Variants in OR2H1 observed in about 807,000 individuals in gnomAD.
OR2H1 encodes the protein olfactory receptor family 2 subfamily H member 1.
For missense variants in OR2H1, 380 were observed against 367.3 expected (o/e 1.03, Z -0.28); for synonymous variants, 155 against 155.2 (o/e 1.00, Z 0.01).
At chr6:29,459,377 AT>A (rs1786936110) in intron 2 of OR2H1, among the ~76,000 whole-genome samples, 2 of 152,190 alleles carry the variant, frequency 1.3e-5, no homozygotes, top group Admixed American at 6.5e-5. Flanking sequence ...CAGGTACACC[AT>A]GTGTTTATTA....
chr6:29,458,427 C>T (rs1786749592), intron 1 of OR2H1, 27 bp from the exon 2 acceptor site: 1 of 152,226 alleles, frequency 6.6e-6, no homozygotes, highest in Admixed American at 6.5e-5. Context: ...TTCCAATAAT[C>T]ATCAAGAGTA....
At position 29,462,712 on chromosome 6, in the gene OR2H1, G is replaced by A. The variant is rs199877770; in HGVS notation, c.943G>A (p.Ala315Thr). Reference sequence around the variant, plus strand: ...AAGAGACTCCAGGGAAAGCTGGAGAGCTGCTTAATATACTTTCGAAAGTAA... The same window carrying A: ...AAGAGACTCCAGGGAAAGCTGGAGAACTGCTTAATATACTTTCGAAAGTAA... ...KERDSRESWRAA is the reference protein window; with the variant it reads ...KERDSRESWRTA The change falls in exon 4 of 4, where the codon GCT becomes ACT. Residue 315 changes from alanine to threonine, a missense_variant. Coordinates refer to ENST00000377133, the MANE Select transcript of OR2H1 (RefSeq NM_030883.5). The A allele has an allele frequency of 1.2e-4, 189 of 1,607,344 alleles. 1 individual carries two copies. Among genetic ancestry groups the A allele is most frequent in the Middle Eastern group, 8.2e-4 (5 of 6,066 alleles).
rs184118118 is a variant in OR2H1, at chr6:29,462,921, A to T, written c.*201A>T. 867 of 582,090 alleles carry T rather than the reference A, an allele frequency of 1.5e-3. 21 individuals carry two copies. Among genetic ancestry groups the T allele is most frequent in the South Asian group, 0.012 (472 of 39,096 alleles). The allele number at this position is 582,090 out of a possible 1,614,324, so 36.1% of individuals were successfully genotyped here. Reference sequence around the variant, plus strand: ...GAGGAGATAGGTAGCTCCATAAGGCACACAAATTCAAATATTATCATTCCT... The same window carrying T: ...GAGGAGATAGGTAGCTCCATAAGGCTCACAAATTCAAATATTATCATTCCT... On this transcript the variant is annotated 3_prime_UTR_variant, in exon 4 of 4. Transcript: ENST00000377133.
At chr6:29,461,191 ATC>A (rs1295952501) in intron 3 of OR2H1, 1 of 152,364 alleles carries the variant, frequency 6.6e-6, no homozygotes, top group Non-Finnish European at 1.5e-5. Context: ...CAGCGGAGAA[ATC>A]TCTTTGTTAA....
intron 3 of OR2H1, among the ~76,000 whole-genome samples, chr6:29,461,253 A>G (rs1189439664): frequency 6.6e-6 from 1 of 152,334 alleles, no homozygotes; most frequent in South Asian, 2.1e-4. Flanking sequence ...GATAAAGTAG[A>G]TAAAACATGA....
At chr6:29,457,960 G>A (rs917754460) in intron 1 of OR2H1, among the ~76,000 whole-genome samples, 2 of 152,140 alleles carry the variant, frequency 1.3e-5, no homozygotes, top group Non-Finnish European at 2.9e-5. Flanking sequence ...AGGTTATGGG[G>A]CACCTAGTCT....
intron 3 of OR2H1, chr6:29,460,796 G>A (rs1787164224): frequency 6.6e-6 from 1 of 151,676 alleles, no homozygotes; most frequent in Non-Finnish European, 1.5e-5. Flanking sequence ...TAAAAATAAT[G>A]TTTTAAATCT....
rs185131447 is a variant in OR2H1, at chr6:29,458,835, A to G, written c.-327+266A>G. Among the ~76,000 whole-genome samples, 192 of 152,352 alleles carry G rather than the reference A, an allele frequency of 1.3e-3. 1 individual carries two copies. Among genetic ancestry groups the G allele is most frequent in the Non-Finnish European group, 2.1e-3 (141 of 68,032 alleles). On this transcript the variant is annotated intron_variant, in intron 2 of 3. Coordinates refer to ENST00000377133, the MANE Select transcript of OR2H1 (RefSeq NM_030883.5). ...TCAACAGATAGTAACTGTCAAAACT[A>G]TAAGTGGTTATTATTATTGAACTGT... is the stretch of plus-strand genomic sequence containing the variant.
chr6:29,457,276 A>G (rs1399230625), intron 1 of OR2H1, 69 bp downstream of exon 1: 2 of 152,214 alleles, frequency 1.3e-5, no homozygotes, highest in African/African-American at 4.8e-5. Context: ...TAAAACAACC[A>G]CAAACCTGAA....
At position 29,461,880 on chromosome 6, in the gene OR2H1, G is replaced by T; in HGVS notation, c.111G>T (p.Leu37=). The part of the protein sequence containing the change: ...VVVFTSYLLT[L]VGNTLIILLS... ...TCTTCACTTCCTACCTCTTGACCCT[G>T]GTGGGCAACACACTCATCATCCTGC... Residue 37 remains leucine, a synonymous_variant, in exon 4 of 4, where the codon CTG becomes CTT. Coordinates refer to ENST00000377133, the MANE Select transcript of OR2H1 (RefSeq NM_030883.5). The T allele has an allele frequency of 6.2e-7, 1 of 1,613,004 alleles. No individual in the cohort carries two copies.
rs753960310 is a variant in OR2H1 at position 29,461,846 on chromosome 6, T to C, written c.77T>C (p.Phe26Ser). 1.2e-6 allele frequency: 2 copies of C among 1,612,972 alleles called. No homozygotes were observed. The highest frequency in any genetic ancestry group is 1.3e-5 in the African/African-American group (1 of 74,924). ...CACCCAGCACTGGAAAGGACTCTCT[T>C]TGTGGTTGTCTTCACTTCCTACCTC... ...SEHPALERTL[F>S]VVVFTSYLLT... Residue 26 changes from phenylalanine (F) to serine (S), a missense_variant, in exon 4 of 4, where the codon TTT becomes TCT. Transcript: ENST00000377133.
At position 29,462,436 on chromosome 6, in the gene OR2H1, G is replaced by A. The variant is rs17184086; in HGVS notation, c.667G>A (p.Val223Met). 0.017 allele frequency: 27,190 copies of A among 1,613,146 alleles called. 295 individuals are homozygous for A. Among genetic ancestry groups the A allele is most frequent in the Non-Finnish European group, 0.021 (24,524 of 1,180,036 alleles). Residue 223 changes from valine (V) to methionine (M), a missense_variant, in exon 4 of 4, where the codon GTG becomes ATG. Physicochemically the swap from Val to Met is conservative, Grantham distance 21. Coordinates refer to ENST00000377133, the MANE Select transcript of OR2H1 (RefSeq NM_030883.5). ...CTCTTATGGAGCCACTGCCCAGGCA[G>A]TGCTGAGGATTAACTCTGCCACAGC... ...LASYGATAQA[V>M]LRINSATAWR...
At chr6:29,457,371 T>C (rs1219179927) in intron 1 of OR2H1, among the ~76,000 whole-genome samples, 164 bp downstream of exon 1, 1 of 152,220 alleles carries the variant, frequency 6.6e-6, no homozygotes, top group East Asian at 1.9e-4. Flanking sequence ...AAAAAAGAAT[T>C]GGACTATTGA....
chr6:29,462,087 G>A lies in OR2H1; in HGVS notation c.318G>A (p.Gly106=), dbSNP rs765896352. The A allele has an allele frequency of 6.2e-7, 1 of 1,613,630 alleles. No individual in the cohort carries two copies. Among genetic ancestry groups the A allele is most frequent in the East Asian group, 2.2e-5 (1 of 44,878 alleles). Reference sequence around the variant, plus strand: ...AGCTCTTCATCTTCCTGTCCCTGGGGACCACTGAGTGCATCCTCCTGACAG... The same window carrying A: ...AGCTCTTCATCTTCCTGTCCCTGGGAACCACTGAGTGCATCCTCCTGACAG... ...SVQLFIFLSL[G]TTECILLTVM... Residue 106 remains glycine (G), a synonymous_variant, in exon 4 of 4, where the codon GGG becomes GGA. Transcript: ENST00000377133.
In OR2H1 at chr6:29,461,796, C is replaced by T; in HGVS notation, c.27C>T (p.Gly9=). 1 of 1,612,920 alleles carries T rather than the reference C, an allele frequency of 6.2e-7. No homozygotes were observed. Among genetic ancestry groups the T allele is most frequent in the African/African-American group, 1.3e-5 (1 of 75,042 alleles). The change falls in exon 4 of 4, where the codon GGC becomes GGT. Residue 9 remains glycine, a synonymous_variant. Transcript: ENST00000377133. ...TGGTTAACCAAAGCTCCCCCATGGG[C>T]TTCCTCCTTCTGGGCTTCTCTGAAC... MVNQSSPM[G]FLLLGFSEHP...
rs1185818152 is a variant in OR2H1, at chr6:29,464,178, C to T, written c.*1458C>T. The T allele has an allele frequency of 6.0e-6, 1 of 167,022 alleles. No homozygotes were observed. The highest frequency in any genetic ancestry group is 2.4e-5 in the African/African-American group (1 of 41,430). The allele number at this position is 167,022 out of a possible 1,614,324, so 10.3% of individuals were successfully genotyped here. A position where few individuals can be genotyped will look rare whatever the true frequency, so the allele number is the denominator to read the frequency against. ...AACTTAGCAAATCTATAATCACATGCAAATACACAGAATGGATTGTTACAA... is the reference window on the plus strand; with the variant it reads ...AACTTAGCAAATCTATAATCACATGTAAATACACAGAATGGATTGTTACAA... On this transcript the variant is annotated 3_prime_UTR_variant, in exon 4 of 4. Transcript: ENST00000377133.
chr6:29,461,484 C>T lies in OR2H1; in HGVS notation c.-275-11C>T. 1 of 430,960 alleles carries T rather than the reference C, an allele frequency of 2.3e-6. No homozygotes were observed. Among genetic ancestry groups the T allele is most frequent in the Non-Finnish European group, 4.1e-6 (1 of 244,628 alleles). 26.7% of individuals were successfully genotyped at this position (430,960 alleles called of 1,614,324 possible). A position where few individuals can be genotyped will look rare whatever the true frequency, so the allele number is the denominator to read the frequency against. On this transcript the variant is annotated splice_polypyrimidine_tract_variant and intron_variant, in intron 3 of 3. Transcript: ENST00000377133. Reference sequence around the variant, plus strand: ...CCATGTTTTACATCAGCTTTCTTTGCCCTCAACCAGGAAGTCAGAGGCACC... The same window carrying T: ...CCATGTTTTACATCAGCTTTCTTTGTCCTCAACCAGGAAGTCAGAGGCACC...
rs1169368835 is a variant in OR2H1 at position 29,458,557 on chromosome 6, G to C, written c.-339G>C. The C allele has an allele frequency of 6.6e-6, 1 of 152,210 alleles. No individual in the cohort carries two copies. Among genetic ancestry groups the C allele is most frequent in the African/African-American group, 2.4e-5 (1 of 41,442 alleles). The allele number at this position is 152,210 out of a possible 1,614,324, so 9.4% of individuals were successfully genotyped here. A position where few individuals can be genotyped will look rare whatever the true frequency, so the allele number is the denominator to read the frequency against. ...GGCAGCAAGGCCGTGAAGAGAGTCTGACTTAATTGCAAGTAAGTCACAAGT... is the reference window on the plus strand; with the variant it reads ...GGCAGCAAGGCCGTGAAGAGAGTCTCACTTAATTGCAAGTAAGTCACAAGT... On this transcript the variant is annotated 5_prime_UTR_variant, in exon 2 of 4. Coordinates refer to ENST00000377133, the MANE Select transcript of OR2H1 (RefSeq NM_030883.5).
At position 29,460,699 on chromosome 6, in the gene OR2H1, G is replaced by A. The variant is rs184140587; in HGVS notation, c.-276+245G>A. ...AAGATAAAGATGTAATGATAAAAAT[G>A]TCAAGTGTTAGCACTTTACTAATAT... is the stretch of plus-strand genomic sequence containing the variant. On this transcript the variant is annotated intron_variant, in intron 3 of 3. Transcript: ENST00000377133. Among the ~76,000 whole-genome samples the A allele has an allele frequency of 6.0e-4, 92 of 152,268 alleles. 1 individual carries two copies. The highest frequency in any genetic ancestry group is 2.2e-3 in the African/African-American group (90 of 41,566).
Sources: allele counts gnomAD v4.1 joint callset (sites outside exome capture counted in the v4.1 genomes callset), GRCh38; gene constraint gnomAD v4.1.1; transcripts MANE v1.5; gene names NCBI Gene and HGNC (gene_info 2026-07-23, HGNC 2026-07-21).